TMEM161B: variants seen among roughly 807,000 people sequenced by gnomAD.
TMEM161B encodes transmembrane protein 161B.
In TMEM161B, 34 loss-of-function variants were observed where a neutral mutation model predicts 61.8. That is an observed-to-expected ratio of 0.55 (90% CI 0.42 to 0.73). The LOEUF is 0.73. TMEM161B is among the 30% of genes least tolerant of loss of function. The pLI, the probability that TMEM161B is intolerant of heterozygous loss-of-function variation, is 0.00. For synonymous variants in TMEM161B, 167 were observed against 192.8 expected, an observed-to-expected ratio of 0.87 and a Z score of 1.11; for missense variants, 456 against 558.5, an observed-to-expected ratio of 0.82 and a Z score of 1.85.
At chr5:88,211,627 G>A (rs1226252143) in intron 5 of TMEM161B, among the ~76,000 whole-genome samples, 3 of 148,552 alleles carry the variant, frequency 2.0e-5, no homozygotes, top group African/African-American at 7.7e-5. Context: ...GCGTGGCGGC[G>A]GGCGCGGCGG....
chr5:88,237,367 A>G (rs1752021547), intron 2 of TMEM161B, among the ~76,000 whole-genome samples: 1 of 152,138 alleles, frequency 6.6e-6, no homozygotes, highest in Non-Finnish European at 1.5e-5. Flanking sequence ...CAACTGGCAC[A>G]GCAATCTAGC....
chr5:88,206,413 T>C, intron 7 of TMEM161B, 26 bp downstream of exon 7: 1 of 1,547,972 alleles, frequency 6.5e-7, no homozygotes, highest in Non-Finnish European at 8.8e-7. Flanking sequence ...TAAATTTAAA[T>C]AATGCTTAAT....
intron 4 of TMEM161B, chr5:88,221,281 G>A (rs981813815): frequency 1.2e-5 from 2 of 163,518 alleles, no homozygotes; most frequent in Non-Finnish European, 2.7e-5. Flanking sequence ...CACTTTGGGA[G>A]GCCAAGGTTG....
At chr5:88,190,238 G>A (rs1422330212), downstream of TMEM161B, 12 of 700,768 alleles carry the variant, frequency 1.7e-5, no homozygotes, top group Middle Eastern at 7.2e-4. Flanking sequence ...CGGGTGGAAC[G>A]GCTGGACCTT....
chr5:88,220,751 A>AAT, intron 4 of TMEM161B, 32 bp from the exon 5 acceptor site: 11 of 1,407,712 alleles, frequency 7.8e-6, no homozygotes, highest in East Asian at 2.6e-5. Flanking sequence ...AAAAAAAAAA[A>AAT]GGTCAAAAAA....
chr5:88,190,085 C>T (rs750094498), downstream of TMEM161B: 5 of 700,744 alleles, frequency 7.1e-6, no homozygotes, highest in South Asian at 7.4e-5. Flanking sequence ...CACAAGCTTT[C>T]TCAGTTCGTG....
intron 5 of TMEM161B, among the ~76,000 whole-genome samples, chr5:88,216,948 T>C (rs1747967073): frequency 2.0e-5 from 3 of 152,220 alleles, no homozygotes. Flanking sequence ...TCTGCTATAC[T>C]TGATCTGCAA....
At chr5:88,247,354 G>T (rs781253343) in intron 1 of TMEM161B, among the ~76,000 whole-genome samples, 6 of 151,986 alleles carry the variant, frequency 3.9e-5, no homozygotes, top group Non-Finnish European at 7.4e-5. Flanking sequence ...CTCAAGAGTT[G>T]ACATTTATGT....
At chr5:88,207,226 G>C (rs199687388) in intron 5 of TMEM161B, 46 bp from the exon 6 acceptor site, 1 of 1,549,686 alleles carries the variant, frequency 6.5e-7, no homozygotes, top group South Asian at 1.2e-5. Context: ...ATTTATAGGA[G>C]CTATACACAA....
intron 2 of TMEM161B, among the ~76,000 whole-genome samples, chr5:88,231,750 G>A (rs1751027698): frequency 6.6e-6 from 1 of 152,124 alleles, no homozygotes; most frequent in Admixed American, 6.5e-5. Flanking sequence ...CGGTAGTTAG[G>A]TTTTATAAAG....
intron 1 of TMEM161B, among the ~76,000 whole-genome samples, chr5:88,255,595 AT>A (rs2112747317): frequency 6.6e-6 from 1 of 152,342 alleles, no homozygotes; most frequent in Non-Finnish European, 1.5e-5. Context: ...ATTATAAAAC[AT>A]AATTGTCAAC....
intron 1 of TMEM161B, among the ~76,000 whole-genome samples, chr5:88,261,940 T>A (rs1314336088): frequency 6.6e-6 from 1 of 152,096 alleles, no homozygotes; most frequent in Non-Finnish European, 1.5e-5. Context: ...TGGACTTCAT[T>A]ACAATTAAAA....
In TMEM161B at chr5:88,220,631, A is replaced by G. The variant is rs1748735083; in HGVS notation, c.378T>C (p.Asn126=). 8.2e-6 allele frequency: 13 copies of G among 1,578,202 alleles called. No individual in the cohort carries two copies. Among genetic ancestry groups the G allele is most frequent in the Non-Finnish European group, 1.1e-5 (13 of 1,161,280 alleles). Residue 126 remains asparagine, a synonymous_variant, in exon 5 of 12, where the codon AAT becomes AAC. Coordinates refer to ENST00000296595, the MANE Select transcript of TMEM161B (RefSeq NM_153354.5). ...VVYLVTEVYY[N]FMKPTQEMNI... is the part of the protein sequence containing the mutation. ...TCATTTCCTGTGTAGGCTTCATAAA[A>G]TTGTAGTAGACTTCAGTTACTAGAT...
At chr5:88,261,640 T>C (rs771061158) in intron 1 of TMEM161B, among the ~76,000 whole-genome samples, 12 of 147,894 alleles carry the variant, frequency 8.1e-5, no homozygotes, top group Non-Finnish European at 1.6e-4. Context: ...CAAATGATCT[T>C]TGACAAAAGG....
At chr5:88,261,017 CA>C (rs1404350980) in intron 1 of TMEM161B, among the ~76,000 whole-genome samples, 1 of 152,028 alleles carries the variant, frequency 6.6e-6, no homozygotes, top group Non-Finnish European at 1.5e-5. Flanking sequence ...CTAAGAACTG[CA>C]ATAACTTAAA....
downstream of TMEM161B, among the ~76,000 whole-genome samples, chr5:88,189,243 C>G (rs6877363): frequency 0.019 from 2,887 of 152,006 alleles, 77 homozygotes; most frequent in African/African-American, 0.065. Flanking sequence ...CTACCTCAGT[C>G]TGAAGAAGGT....
chr5:88,208,196 AAAAATTGCC>A (rs1745916734), intron 5 of TMEM161B, among the ~76,000 whole-genome samples: 1 of 152,176 alleles, frequency 6.6e-6, no homozygotes, highest in South Asian at 2.1e-4. Flanking sequence ...CTTAAAATAC[AAAAATTGCC>A]GGGCGTGGTG....
chr5:88,258,267 CTTTTCTACT>C (rs1329990209), intron 1 of TMEM161B, among the ~76,000 whole-genome samples: 5 of 152,112 alleles, frequency 3.3e-5, no homozygotes, highest in Admixed American at 6.5e-5. Flanking sequence ...TATCCAGGCT[CTTTTCTACT>C]TTTTCGTAAA....
At chr5:88,188,826 TG>T (rs749576539), downstream of TMEM161B, among the ~76,000 whole-genome samples, 281 of 151,702 alleles carry the variant, frequency 1.9e-3, 1 homozygote, top group Admixed American at 3.4e-3. Context: ...TGGTTAGAGT[TG>T]GGGGGGGTGG....
Sources: allele counts gnomAD v4.1 joint callset (sites outside exome capture counted in the v4.1 genomes callset), GRCh38; gene constraint gnomAD v4.1.1; transcripts MANE v1.5; gene names NCBI Gene and HGNC (gene_info 2026-07-23, HGNC 2026-07-21).